The following SUPT3H variants were observed in gnomAD, a reference collection of about 807,000 sequenced individuals.
SUPT3H encodes transcription initiation protein SPT3 homolog.
A neutral mutation model predicts 44.3 loss-of-function variants in SUPT3H; 44 were observed. The observed-to-expected ratio is 0.99, with a 90% CI of 0.78 to 1.28. The LOEUF is 1.28. Ranked by LOEUF, SUPT3H falls within the 50% of genes most tolerant of loss-of-function variation. SUPT3H has a pLI of 0.00. For synonymous variants in SUPT3H, 124 were observed against 125.6 expected (o/e 0.99, Z 0.09); for missense variants, 380 against 387.1 (o/e 0.98, Z 0.15).
At chr6:45,162,421 G>C (rs891083093) in intron 2 of SUPT3H, among the ~76,000 whole-genome samples, 14 of 152,122 alleles carry the variant, frequency 9.2e-5, no homozygotes, top group Non-Finnish European at 1.8e-4. Flanking sequence ...CTACTCAGGA[G>C]ACTGAGGCAG....
chr6:45,020,395 C>T (rs1022942791), intron 4 of SUPT3H, 151 bp downstream of exon 4: 1 of 575,042 alleles, frequency 1.7e-6, no homozygotes, highest in Non-Finnish European at 3.0e-6. Flanking sequence ...TTTGTAAACA[C>T]ATTTTGTCGT....
chr6:45,195,892 C>A lies in SUPT3H; in HGVS notation c.102-89886G>T, dbSNP rs545587564. ...TAGTTACAAACTTTCTGATCCCGGGCAAGTTACTTACATCAGTTTTCTTAT... is the reference window on the plus strand; with the variant it reads ...TAGTTACAAACTTTCTGATCCCGGGAAAGTTACTTACATCAGTTTTCTTAT... On this transcript the variant is annotated intron_variant, in intron 2 of 10. Transcript: ENST00000371459. Among the ~76,000 whole-genome samples, 17 of 152,058 alleles carry A rather than the reference C, an allele frequency of 1.1e-4. 1 individual carries two copies. The South Asian group carries it at 3.5e-3, about 32-fold the overall frequency.
In SUPT3H at chr6:45,251,395, GCACACACA is replaced by G. The variant is rs70996313; in HGVS notation, c.101+113798_101+113805del. Among the ~76,000 whole-genome samples, 431 of 144,958 alleles carry G rather than the reference GCACACACA, an allele frequency of 3.0e-3. 3 individuals carry two copies. The highest frequency in any genetic ancestry group is 0.01 in the African/African-American group (404 of 39,412). ...TTCTAAATGACTAAGAAGAGAAGCT[GCACACACA>G]CACACACACACACACACACACACAC... is the stretch of plus-strand genomic sequence containing the variant. On this transcript the variant is annotated intron_variant, in intron 2 of 10. Transcript: ENST00000371459.
intron 3 of SUPT3H, among the ~76,000 whole-genome samples, chr6:45,074,119 G>T (rs574057046): frequency 1.3e-3 from 199 of 151,986 alleles, no homozygotes; most frequent in African/African-American, 4.6e-3. Flanking sequence ...GTCCAAAAAT[G>T]TTGCTGAAAC....
At position 45,328,687 on chromosome 6, in the gene SUPT3H, C is replaced by T. The variant is rs886061492; in HGVS notation, c.101+36514G>A. 14 of 1,611,446 alleles carry T rather than the reference C, an allele frequency of 8.7e-6. No individual in the cohort carries two copies. Among genetic ancestry groups the T allele is most frequent in the Non-Finnish European group, 1.0e-5 (12 of 1,178,346 alleles). Reference sequence around the variant, plus strand: ...TTAAGGCTGCAAGCAGTATTTACAACAGAGGGTACAAGTTCTATCTGAAAA... The same window carrying T: ...TTAAGGCTGCAAGCAGTATTTACAATAGAGGGTACAAGTTCTATCTGAAAA... On this transcript the variant is annotated intron_variant, in intron 2 of 10. Coordinates refer to ENST00000371459, the MANE Select transcript of SUPT3H (RefSeq NM_003599.4).
intron 1 of SUPT3H, 42 bp from the exon 2 acceptor site, chr6:45,365,343 C>A: frequency 3.1e-6 from 4 of 1,305,402 alleles, no homozygotes; most frequent in Non-Finnish European, 4.3e-6. Flanking sequence ...ATGTACCTAG[C>A]TATAAGTAAA....
chr6:45,167,084 C>T (rs1036395956), intron 2 of SUPT3H, among the ~76,000 whole-genome samples: 23 of 152,190 alleles, frequency 1.5e-4, no homozygotes, highest in African/African-American at 5.1e-4. Flanking sequence ...CTTTGAATTG[C>T]CAGGAGCACA....
In SUPT3H at chr6:45,094,411, T is replaced by C. The variant is rs563982958; in HGVS notation, c.186+11511A>G. On this transcript the variant is annotated intron_variant, in intron 3 of 10. Coordinates refer to ENST00000371459, the MANE Select transcript of SUPT3H (RefSeq NM_003599.4). ...ACATGAGACAATACTTGTAATTTACTGGAAGTGAAAAACAATTTATACTCT... is the reference window on the plus strand; with the variant it reads ...ACATGAGACAATACTTGTAATTTACCGGAAGTGAAAAACAATTTATACTCT... Among the ~76,000 whole-genome samples the C allele has an allele frequency of 7.2e-5, 11 of 152,258 alleles. No homozygotes were observed. In the East Asian group the frequency reaches 1.9e-3, roughly 27 times the overall value.
intron 10 of SUPT3H, among the ~76,000 whole-genome samples, chr6:44,832,638 CAATACTT>C (rs1366266343): frequency 3.3e-5 from 5 of 152,120 alleles, no homozygotes; most frequent in Non-Finnish European, 7.4e-5. Context: ...ACAGCAAAGA[CAATACTT>C]AATGTGTTTA....
intron 2 of SUPT3H, among the ~76,000 whole-genome samples, chr6:45,209,310 T>C (rs1183051249): frequency 6.6e-6 from 1 of 152,166 alleles, no homozygotes; most frequent in Non-Finnish European, 1.5e-5. Context: ...CTGACAGATG[T>C]GGGCAAAGTA....
intron 10 of SUPT3H, 109 bp from the exon 11 acceptor site, chr6:44,829,966 C>G: frequency 1.0e-6 from 1 of 956,984 alleles, no homozygotes; most frequent in Non-Finnish European, 1.7e-6. Flanking sequence ...CTGCTGGCTA[C>G]AATCTAATAG....
intron 7 of SUPT3H, 88 bp downstream of exon 7, chr6:44,961,665 T>A (rs1582774713): frequency 1.9e-6 from 2 of 1,075,632 alleles, no homozygotes; most frequent in East Asian, 4.8e-5. Context: ...TCCACCAATT[T>A]CTAAGAAACA....
intron 10 of SUPT3H, among the ~76,000 whole-genome samples, chr6:44,876,763 A>G (rs1777351556): frequency 1.3e-5 from 2 of 151,812 alleles, no homozygotes; most frequent in East Asian, 1.9e-4. Context: ...AATGAAAATG[A>G]AAACACAAAA....
At chr6:45,136,153 T>C (rs1214846538) in intron 2 of SUPT3H, among the ~76,000 whole-genome samples, 1 of 152,132 alleles carries the variant, frequency 6.6e-6, no homozygotes. Context: ...AAGCATTGAT[T>C]CAAACTATTT....
intron 1 of SUPT3H, among the ~76,000 whole-genome samples, chr6:45,370,828 T>C (rs567544999): frequency 1.1e-4 from 17 of 151,410 alleles, no homozygotes; most frequent in Middle Eastern, 6.9e-3. Flanking sequence ...GACACAGGAG[T>C]TTCTAGCATA....
chr6:45,228,182 G>A (rs1767279977), intron 2 of SUPT3H, among the ~76,000 whole-genome samples: 1 of 152,138 alleles, frequency 6.6e-6, no homozygotes, highest in South Asian at 2.1e-4. Context: ...TCAATTTTAT[G>A]TGTGACTTAA....
chr6:45,183,265 C>A (rs984249345), intron 2 of SUPT3H, among the ~76,000 whole-genome samples: 4 of 151,998 alleles, frequency 2.6e-5, no homozygotes, highest in Admixed American at 2.6e-4. Flanking sequence ...CTAGAATAGG[C>A]AAACTGATAG....
intron 2 of SUPT3H, among the ~76,000 whole-genome samples, chr6:45,259,186 T>A (rs1181253724): frequency 6.6e-6 from 1 of 152,142 alleles, no homozygotes; most frequent in Non-Finnish European, 1.5e-5. Flanking sequence ...GTTTATCAGA[T>A]CTTCCAATTG....
intron 10 of SUPT3H, among the ~76,000 whole-genome samples, chr6:44,851,112 T>G (rs1772817138): frequency 6.6e-6 from 1 of 152,152 alleles, no homozygotes; most frequent in African/African-American, 2.4e-5. Context: ...TTTTTCTATG[T>G]GTAGAGACCA....
Sources: gnomAD v4.1 joint callset for allele counts (sites outside exome capture counted in the v4.1 genomes callset) on GRCh38, gnomAD v4.1.1 for gene constraint, MANE v1.5 for transcripts, NCBI Gene and HGNC (gene_info 2026-07-23, HGNC 2026-07-21) for gene names.